The following PACRG variants were observed in gnomAD, a reference collection of about 807,000 sequenced individuals.
PACRG encodes the protein parkin coregulated.
In PACRG, 29 loss-of-function variants were observed where a neutral mutation model predicts 29.7. The ratio of observed to expected loss-of-function variants is 0.98; its 90% confidence interval spans 0.73 to 1.33. The LOEUF (loss-of-function observed/expected upper bound fraction) is 1.33, where lower values mean the gene tolerates loss of function less well. Among genes scored for constraint, PACRG ranks in the 40% most tolerant of loss-of-function variants. The pLI is 0.00. For synonymous variants in PACRG, 116 were observed against 118.7 expected (o/e 0.98, Z 0.15); for missense variants, 279 against 316.2 (o/e 0.88, Z 0.89).
chr6:163,156,125 T>C (rs1340665301), intron 4 of PACRG, among the ~76,000 whole-genome samples: 2 of 152,174 alleles, frequency 1.3e-5, no homozygotes, highest in Non-Finnish European at 2.9e-5. Flanking sequence ...GCTGCCGCAG[T>C]CTCCTCTGGC....
chr6:163,138,690 G>A (rs1817035732), intron 4 of PACRG, among the ~76,000 whole-genome samples: 1 of 152,200 alleles, frequency 6.6e-6, no homozygotes, highest in Non-Finnish European at 1.5e-5. Flanking sequence ...ATGCAGCCTG[G>A]TTCCTAACAG....
intron 2 of PACRG, among the ~76,000 whole-genome samples, chr6:163,020,098 T>A (rs538334553): frequency 6.6e-6 from 1 of 152,228 alleles, no homozygotes; most frequent in African/African-American, 2.4e-5. Context: ...TCATTTAAAC[T>A]GTCAGGGTAA....
intron 4 of PACRG, among the ~76,000 whole-genome samples, chr6:163,183,746 AT>A (rs1164702148): frequency 6.6e-6 from 1 of 152,212 alleles, no homozygotes; most frequent in East Asian, 1.9e-4. Context: ...AAAAGAAGTC[AT>A]TTCCTGTATC....
chr6:163,180,773 T>C (rs1016102740), intron 4 of PACRG, among the ~76,000 whole-genome samples: 8 of 152,176 alleles, frequency 5.3e-5, no homozygotes, highest in Non-Finnish European at 1.2e-4. Flanking sequence ...TTCTTTAGGT[T>C]AAAAAAATGG....
chr6:162,824,587 C>T (rs934432554), intron 2 of PACRG, among the ~76,000 whole-genome samples: 2 of 152,122 alleles, frequency 1.3e-5, no homozygotes, highest in African/African-American at 4.8e-5. Flanking sequence ...AGATTCGTGT[C>T]AAGATGCTAT....
intron 1 of PACRG, among the ~76,000 whole-genome samples, chr6:162,795,885 G>T (rs1027448950): frequency 4.6e-5 from 7 of 151,944 alleles, no homozygotes; most frequent in Non-Finnish European, 7.4e-5. Flanking sequence ...TAATTGATCA[G>T]CACTTTTGTA....
At chr6:163,040,203 G>A (rs1265073690) in intron 2 of PACRG, among the ~76,000 whole-genome samples, 3 of 152,216 alleles carry the variant, frequency 2.0e-5, no homozygotes, top group Non-Finnish European at 4.4e-5. Context: ...CAAAGTGTGT[G>A]AGCCCCAAGC....
At chr6:162,748,299 T>C (rs763342612) in intron 1 of PACRG, among the ~76,000 whole-genome samples, 9 of 152,136 alleles carry the variant, frequency 5.9e-5, no homozygotes, top group Non-Finnish European at 1.2e-4. Context: ...GAAACCAGTC[T>C]GGCCATCGTG....
chr6:163,152,507 C>T (rs774646148), intron 4 of PACRG, among the ~76,000 whole-genome samples: 2 of 152,136 alleles, frequency 1.3e-5, no homozygotes, highest in African/African-American at 2.4e-5. Context: ...ATTTTAAAAC[C>T]ACCTGTTTCT....
intron 2 of PACRG, among the ~76,000 whole-genome samples, chr6:163,001,112 AC>A (rs1272670914): frequency 6.6e-6 from 1 of 152,226 alleles, no homozygotes; most frequent in African/African-American, 2.4e-5. Flanking sequence ...GGACCTTGGC[AC>A]AACCACACAG....
chr6:163,086,213 A>G (rs1185639975), intron 3 of PACRG, among the ~76,000 whole-genome samples: 2 of 152,200 alleles, frequency 1.3e-5, no homozygotes, highest in East Asian at 1.9e-4. Flanking sequence ...CTAACCCCTG[A>G]CATTCTAAAA....
chr6:162,996,771 A>G (rs1439365951), intron 2 of PACRG, among the ~76,000 whole-genome samples: 2 of 152,188 alleles, frequency 1.3e-5, no homozygotes, highest in African/African-American at 4.8e-5. Context: ...TAGTAACATT[A>G]TGGGCACTCT....
Position 162,947,349 on chromosome 6 carries a change from A to ATATT in PACRG, c.292-114801_292-114800insTATT, listed in dbSNP as rs1491156729. Among the ~76,000 whole-genome samples the ATATT allele has an allele frequency of 1.0e-3, 43 of 41,750 alleles. 2 individuals are homozygous for ATATT. The highest frequency in any genetic ancestry group is 4.1e-3 in the African/African-American group (39 of 9,490). 27.4% of individuals were successfully genotyped at this position (41,750 alleles called of 152,430 possible). ...ACATATAATCATATATATAATGATTACATATATATAATGTAATCATATATA... is the reference window on the plus strand; with the variant it reads ...ACATATAATCATATATATAATGATTATATTCATATATATAATGTAATCATATATA... On this transcript the variant is annotated intron_variant, in intron 2 of 4. Coordinates refer to ENST00000366888, the MANE Select transcript of PACRG (RefSeq NM_001080379.2).
intron 2 of PACRG, among the ~76,000 whole-genome samples, chr6:163,021,142 CACACCTCCAG>C (rs1806575418): frequency 6.6e-6 from 1 of 152,166 alleles, no homozygotes. Context: ...GTTCCAAAGT[CACACCTCCAG>C]ACACCTCCCG....
intron 2 of PACRG, among the ~76,000 whole-genome samples, chr6:163,028,242 C>G (rs755764693): frequency 1.2e-4 from 18 of 152,182 alleles, no homozygotes; most frequent in Non-Finnish European, 1.9e-4. Flanking sequence ...GAAATGTATC[C>G]TATAAGATCA....
At chr6:162,753,637 A>G (rs1051659075) in intron 1 of PACRG, among the ~76,000 whole-genome samples, 2 of 151,284 alleles carry the variant, frequency 1.3e-5, no homozygotes, top group African/African-American at 4.8e-5. Context: ...TGATTGGATC[A>G]TGGGAGATAA....
chr6:163,093,350 C>T (rs1814289164), intron 4 of PACRG, among the ~76,000 whole-genome samples: 1 of 152,190 alleles, frequency 6.6e-6, no homozygotes, highest in Non-Finnish European at 1.5e-5. Context: ...GGAGTTCCTA[C>T]AAAATATTCC....
chr6:163,077,379 C>T (rs981782248), intron 3 of PACRG, among the ~76,000 whole-genome samples: 37 of 152,074 alleles, frequency 2.4e-4, no homozygotes, highest in African/African-American at 8.2e-4. Flanking sequence ...AGAGCTCTAA[C>T]GAGGTGAGGT....
chr6:163,074,269 A>G (rs994839445), intron 3 of PACRG, among the ~76,000 whole-genome samples: 7 of 152,214 alleles, frequency 4.6e-5, no homozygotes, highest in African/African-American at 1.7e-4. Context: ...TGTCATTTGC[A>G]ACAACATGGA....
Sources: gnomAD v4.1 joint callset for allele counts (sites outside exome capture counted in the v4.1 genomes callset) on GRCh38, gnomAD v4.1.1 for gene constraint, MANE v1.5 for transcripts, NCBI Gene and HGNC (gene_info 2026-07-23, HGNC 2026-07-21) for gene names.